ACAP2: variants seen among roughly 807,000 people sequenced by gnomAD.
ACAP2 encodes the protein ArfGAP with coiled-coil, ankyrin repeat and PH domains 2.
In ACAP2, 39 loss-of-function variants were observed where a neutral mutation model predicts 115.8. That is an observed-to-expected ratio of 0.34 (90% confidence interval 0.26 to 0.44). The LOEUF is 0.44. Ranked by LOEUF, ACAP2 falls within the 20% of genes least tolerant of loss-of-function variation. The probability of loss-of-function intolerance (pLI) is 1.00; values close to 1 mark genes in which losing one functional copy is unlikely to be tolerated. For missense variants in ACAP2, 662 were observed against 927.6 expected (o/e 0.71, Z 3.72); for synonymous variants, 289 against 315.8 (o/e 0.92, Z 0.90).
intron 9 of ACAP2, among the ~76,000 whole-genome samples, chr3:195,324,328 T>C (rs1729636415): frequency 6.6e-6 from 1 of 152,170 alleles, no homozygotes; most frequent in African/African-American, 2.4e-5. Context: ...AAATGTGATA[T>C]ATAACACAGG....
Position 195,342,599 on chromosome 3 carries a change from T to C in ACAP2, c.400A>G (p.Lys134Glu). 6.2e-7 allele frequency: 1 copy of C among 1,611,358 alleles called. No homozygotes were observed. Among genetic ancestry groups the C allele is most frequent in the Non-Finnish European group, 8.5e-7 (1 of 1,179,366 alleles). ...GCATTTTTTACTAACGCATTTTCTT[T>C]TTCTTCACTGACTTTTTCGAATTGC... is the stretch of plus-strand genomic sequence containing the variant. ...KKQFEKVSEE[K>E]ENALVKNAQV... is the part of the protein sequence containing the mutation. Residue 134 changes from lysine (K) to glutamate (E), a missense_variant, in exon 6 of 23, where the codon AAA becomes GAA. This residue lies in a region of ACAP2 where 401 missense variants were observed against 604.4 expected (regional missense o/e 0.66). Coordinates refer to ENST00000326793, the MANE Select transcript of ACAP2 (RefSeq NM_012287.6).
rs1046436558 is a variant in ACAP2, at chr3:195,442,943, G to C, written c.-96C>G. 1 of 1,160,726 alleles carries C rather than the reference G, an allele frequency of 8.6e-7. No homozygotes were observed. The highest frequency in any genetic ancestry group is 1.2e-6 in the Non-Finnish European group (1 of 859,666). The allele number at this position is 1,160,726 out of a possible 1,614,324, so 71.9% of individuals were successfully genotyped here. ...ACGGCTACGGCGGGCGCACGGCCGCGACTAGCGTTGCGCGGAGCTGCGAAG... is the reference window on the plus strand; with the variant it reads ...ACGGCTACGGCGGGCGCACGGCCGCCACTAGCGTTGCGCGGAGCTGCGAAG... On this transcript the variant is annotated 5_prime_UTR_variant, in exon 1 of 23. Coordinates refer to ENST00000326793, the MANE Select transcript of ACAP2 (RefSeq NM_012287.6).
At chr3:195,340,719 G>A (rs1730810800) in intron 6 of ACAP2, among the ~76,000 whole-genome samples, 2 of 152,198 alleles carry the variant, frequency 1.3e-5, no homozygotes, top group African/African-American at 2.4e-5. Context: ...AATACGTCTA[G>A]TGAATAAAAC....
intron 1 of ACAP2, among the ~76,000 whole-genome samples, chr3:195,415,365 C>T (rs553504497): frequency 1.4e-3 from 213 of 151,980 alleles, no homozygotes; most frequent in African/African-American, 4.7e-3. Context: ...CAACCTCCGC[C>T]TCCCACGTTC....
chr3:195,325,470 TA>T (rs1425907359), intron 9 of ACAP2: 3 of 432,616 alleles, frequency 6.9e-6, no homozygotes, highest in Non-Finnish European at 1.4e-5. Context: ...TGTCAGCATT[TA>T]GGGGCAGAAA....
chr3:195,332,699 C>G (rs1344210195), intron 8 of ACAP2, among the ~76,000 whole-genome samples: 4 of 152,154 alleles, frequency 2.6e-5, no homozygotes, highest in Non-Finnish European at 5.9e-5. Context: ...CATGCTGGTA[C>G]TCGTGATAGT....
intron 2 of ACAP2, among the ~76,000 whole-genome samples, chr3:195,391,736 T>C (rs1224575520): frequency 1.3e-5 from 2 of 152,124 alleles, no homozygotes; most frequent in Non-Finnish European, 2.9e-5. Flanking sequence ...GGCTCACTCC[T>C]ATAATCCTAG....
At chr3:195,350,815 TAGAG>T (rs1158699964) in intron 4 of ACAP2, among the ~76,000 whole-genome samples, 3 of 151,748 alleles carry the variant, frequency 2.0e-5, no homozygotes, top group African/African-American at 7.2e-5. Flanking sequence ...TTAATAATAA[TAGAG>T]AGGAAAAAGA....
intron 21 of ACAP2, 66 bp from the exon 22 acceptor site, chr3:195,285,923 T>G: frequency 1.7e-6 from 2 of 1,211,178 alleles, no homozygotes; most frequent in Non-Finnish European, 2.3e-6. Flanking sequence ...ATAAAGTCTA[T>G]AAACAGGTAA....
intron 1 of ACAP2, among the ~76,000 whole-genome samples, chr3:195,429,798 C>G (rs1714970704): frequency 6.6e-6 from 1 of 152,098 alleles, no homozygotes; most frequent in Non-Finnish European, 1.5e-5. Flanking sequence ...AAAATTTAAT[C>G]TTATGTTTTC....
At chr3:195,299,760 C>T (rs571280308) in intron 15 of ACAP2, among the ~76,000 whole-genome samples, 2 of 152,110 alleles carry the variant, frequency 1.3e-5, no homozygotes, top group East Asian at 3.9e-4. Context: ...ATGGTGTGAA[C>T]CCAGGAGGTG....
Position 195,394,223 on chromosome 3 carries a change from G to A in ACAP2, c.54-2076C>T, listed in dbSNP as rs543398619. On this transcript the variant is annotated intron_variant, in intron 1 of 22. Transcript: ENST00000326793. Reference sequence around the variant, plus strand: ...CACACATTCTATCACTGTGCACCTCGCTCACTAGTCTCAGTTCCCCATAGC... The same window carrying A: ...CACACATTCTATCACTGTGCACCTCACTCACTAGTCTCAGTTCCCCATAGC... Among the ~76,000 whole-genome samples the A allele has an allele frequency of 2.0e-5, 3 of 152,132 alleles. No individual in the cohort carries two copies. In the East Asian group the frequency reaches 5.8e-4, roughly 29 times the overall value.
intron 16 of ACAP2, 104 bp from the exon 17 acceptor site, chr3:195,295,996 T>G: frequency 1.1e-6 from 1 of 883,932 alleles, no homozygotes; most frequent in Non-Finnish European, 1.7e-6. Context: ...AGTCACTGAA[T>G]GTAATACTGG....
intron 1 of ACAP2, among the ~76,000 whole-genome samples, chr3:195,439,755 T>C (rs552759478): frequency 2.0e-5 from 3 of 152,182 alleles, no homozygotes; most frequent in African/African-American, 7.2e-5. Flanking sequence ...GTCTCCCAAG[T>C]AGCTGGGATT....
chr3:195,430,386 T>C (rs948271319), intron 1 of ACAP2, among the ~76,000 whole-genome samples: 1 of 152,150 alleles, frequency 6.6e-6, no homozygotes, highest in African/African-American at 2.4e-5. Context: ...TACATACTGA[T>C]GGAATTCTAT....
At chr3:195,349,828 A>G in intron 4 of ACAP2, 1 of 355,852 alleles carries the variant, frequency 2.8e-6, no homozygotes, top group South Asian at 2.4e-5. Context: ...GGAGATGGGA[A>G]TTCTAGATGT....
At chr3:195,373,077 CTG>C (rs1255292630) in intron 4 of ACAP2, among the ~76,000 whole-genome samples, 4 of 147,080 alleles carry the variant, frequency 2.7e-5, no homozygotes, top group Non-Finnish European at 3.0e-5. Flanking sequence ...TATGGAAACA[CTG>C]TAATTTTGCA....
intron 1 of ACAP2, among the ~76,000 whole-genome samples, chr3:195,429,507 T>G (rs1402659601): frequency 2.6e-5 from 4 of 152,064 alleles, no homozygotes; most frequent in African/African-American, 9.7e-5. Context: ...AGAATCTATT[T>G]ATAATGTTCA....
chr3:195,347,167 A>G (rs1731239782), intron 4 of ACAP2, among the ~76,000 whole-genome samples: 1 of 152,360 alleles, frequency 6.6e-6, no homozygotes, highest in South Asian at 2.1e-4. Context: ...TAAATATTAA[A>G]CAATAGATTT....
Sources: allele counts gnomAD v4.1 joint callset (sites outside exome capture counted in the v4.1 genomes callset), GRCh38; gene constraint gnomAD v4.1.1; regional missense constraint gnomAD v4.1.1; transcripts MANE v1.5; gene names NCBI Gene and HGNC (gene_info 2026-07-23, HGNC 2026-07-21).